GRHL2: variants seen among roughly 807,000 people sequenced by gnomAD.
GRHL2 encodes grainyhead-like protein 2 homolog.
GRHL2 carries 21 observed loss-of-function variants against 83.8 expected under a neutral mutation model. That is an observed-to-expected ratio of 0.25 (90% CI 0.18 to 0.36). GRHL2 has a LOEUF of 0.36. Among genes scored for constraint, GRHL2 ranks in the 10% least tolerant of loss-of-function variants. The pLI, the probability that GRHL2 is intolerant of heterozygous loss-of-function variation, is 1.00. For synonymous variants in GRHL2, 280 were observed against 278.9 expected (o/e 1.00, Z -0.04); for missense variants, 623 against 781.8 (o/e 0.80, Z 2.42).
At chr8:101,636,023 A>G (rs1326653130) in intron 11 of GRHL2, among the ~76,000 whole-genome samples, 1 of 152,188 alleles carries the variant, frequency 6.6e-6, no homozygotes, top group Non-Finnish European at 1.5e-5. Flanking sequence ...TTGAGTTAAT[A>G]TGTAAATGTC....
At chr8:101,516,461 T>TGGAGGGAG (rs1243709137) in intron 1 of GRHL2, among the ~76,000 whole-genome samples, 1 of 139,916 alleles carries the variant, frequency 7.1e-6, no homozygotes, top group Non-Finnish European at 1.5e-5. Flanking sequence ...GTGGCCAGGC[T>TGGAGGGAG]GGAGGGAGTG....
chr8:101,675,618 A>G, the GRHL2 span, among the ~76,000 whole-genome samples: 35 of 152,296 alleles, frequency 2.3e-4, no homozygotes, highest in African/African-American at 8.4e-4. Context: ...CAATATCGTG[A>G]AAATGGCCAT....
intron 1 of GRHL2, among the ~76,000 whole-genome samples, chr8:101,521,417 T>C (rs1199940960): frequency 6.6e-6 from 1 of 152,214 alleles, no homozygotes; most frequent in Non-Finnish European, 1.5e-5. Flanking sequence ...TGATGCTTTC[T>C]GTGGTTGGAG....
intron 9 of GRHL2, among the ~76,000 whole-genome samples, chr8:101,626,804 G>A (rs1000625440): frequency 7.2e-5 from 11 of 152,066 alleles, no homozygotes; most frequent in African/African-American, 2.4e-4. Flanking sequence ...TTTTCTAAAA[G>A]TCTGAGGTCA....
chr8:101,620,555 A>G (rs1363951347), intron 9 of GRHL2, among the ~76,000 whole-genome samples: 1 of 152,214 alleles, frequency 6.6e-6, no homozygotes, highest in African/African-American at 2.4e-5. Flanking sequence ...ACCCCAAAAG[A>G]GTTGAAAAAT....
chr8:101,674,322 A>G (rs989730174), downstream of GRHL2, among the ~76,000 whole-genome samples: 2 of 152,138 alleles, frequency 1.3e-5, no homozygotes, highest in Non-Finnish European at 2.9e-5. Context: ...AAGACTAATA[A>G]AGAAGAAAAG....
chr8:101,652,600 G>GT (rs1813694008), intron 14 of GRHL2, among the ~76,000 whole-genome samples: 6 of 71,660 alleles, frequency 8.4e-5, no homozygotes, highest in African/African-American at 4.5e-4. Flanking sequence ...GTGTGTGTGT[G>GT]GTGTGTGTGT....
At chr8:101,635,351 T>A (rs747233553) in intron 11 of GRHL2, among the ~76,000 whole-genome samples, 11 of 152,182 alleles carry the variant, frequency 7.2e-5, no homozygotes, top group Non-Finnish European at 1.3e-4. Flanking sequence ...TGGGTCTTTA[T>A]GGGCAAGGAG....
At chr8:101,661,523 C>T (rs1218741452) in intron 14 of GRHL2, among the ~76,000 whole-genome samples, 1 of 152,324 alleles carries the variant, frequency 6.6e-6, no homozygotes, top group African/African-American at 2.4e-5. Flanking sequence ...CTCTAGATTA[C>T]TTATAATACG....
At chr8:101,671,784 C>A (rs1814214459), downstream of GRHL2, among the ~76,000 whole-genome samples, 1 of 152,198 alleles carries the variant, frequency 6.6e-6, no homozygotes, top group Admixed American at 6.5e-5. Context: ...GGGAGGCATC[C>A]CCTAGTAGGG....
At chr8:101,564,696 G>C (rs920315914) in intron 4 of GRHL2, among the ~76,000 whole-genome samples, 3 of 150,944 alleles carry the variant, frequency 2.0e-5, no homozygotes, top group African/African-American at 7.3e-5. Flanking sequence ...CCTGTAGTCC[G>C]AGCTGCTTGG....
At chr8:101,504,282 A>ACCTTGT (rs1810290748) in intron 1 of GRHL2, among the ~76,000 whole-genome samples, 1 of 152,176 alleles carries the variant, frequency 6.6e-6, no homozygotes, top group South Asian at 2.1e-4. Context: ...TGTCTCCACA[A>ACCTTGT]CCTTGTCCTT....
At chr8:101,621,882 TA>T (rs1220660472) in intron 9 of GRHL2, among the ~76,000 whole-genome samples, 9 of 133,086 alleles carry the variant, frequency 6.8e-5, no homozygotes, top group Non-Finnish European at 9.9e-5. Context: ...AGACCCTATC[TA>T]AAAAAAATAA....
chr8:101,676,762 A>G, the GRHL2 span, among the ~76,000 whole-genome samples: 1,581 of 152,240 alleles, frequency 0.01, 32 homozygotes, highest in African/African-American at 0.034. Context: ...ACATGCACAC[A>G]TATGTTTATT....
rs200574939 is a variant in GRHL2, at chr8:101,563,730, G to GT, written c.678+4925dup. ...ACTTATTTTTTTTTTGTTTTTTTTT[G>GT]TTTTTTTGTTTTTAAACTGAATGAA... On this transcript the variant is annotated intron_variant, in intron 4 of 15. Coordinates refer to ENST00000646743, the MANE Select transcript of GRHL2 (RefSeq NM_024915.4). 2.3e-3 allele frequency among the ~76,000 whole-genome samples: 337 copies of GT among 144,356 alleles called. 4 individuals are homozygous for GT. In the East Asian group the frequency reaches 0.055, roughly 23 times the overall value. 94.7% of individuals were successfully genotyped at this position (144,356 alleles called of 152,430 possible). A position where few individuals can be genotyped will look rare whatever the true frequency, so the allele number is the denominator to read the frequency against.
intron 9 of GRHL2, among the ~76,000 whole-genome samples, chr8:101,622,142 A>G (rs529660073): frequency 2.0e-5 from 3 of 152,350 alleles, no homozygotes; most frequent in South Asian, 4.1e-4. Context: ...CTAAGTAAAT[A>G]AAATAAATAT....
At chr8:101,527,139 A>C (rs895328305) in intron 1 of GRHL2, among the ~76,000 whole-genome samples, 2 of 152,288 alleles carry the variant, frequency 1.3e-5, no homozygotes, top group East Asian at 1.9e-4. Flanking sequence ...TAAACTCATA[A>C]ACCCTTGAAA....
intron 7 of GRHL2, among the ~76,000 whole-genome samples, chr8:101,590,798 G>A (rs1252955307): frequency 6.6e-6 from 1 of 152,158 alleles, no homozygotes; most frequent in African/African-American, 2.4e-5. Context: ...CATGGTGTAT[G>A]TACCTTGAGT....
At chr8:101,673,570 C>T (rs985247136), downstream of GRHL2, among the ~76,000 whole-genome samples, 10 of 149,586 alleles carry the variant, frequency 6.7e-5, no homozygotes, top group Admixed American at 5.4e-4. Context: ...ATTCATAAAG[C>T]AAGTCCTTAG....
Sources: gnomAD v4.1 joint callset for allele counts (sites outside exome capture counted in the v4.1 genomes callset) on GRCh38, gnomAD v4.1.1 for gene constraint, MANE v1.5 for transcripts, NCBI Gene and HGNC (gene_info 2026-07-23, HGNC 2026-07-21) for gene names.